The following CCDC92 variants were observed in gnomAD, a reference collection of about 807,000 sequenced individuals.
CCDC92 encodes coiled-coil domain-containing protein 92.
CCDC92 carries 12 observed loss-of-function variants against 24.9 expected under a neutral mutation model. The observed-to-expected ratio is 0.48, with a 90% CI of 0.31 to 0.78. The LOEUF (loss-of-function observed/expected upper bound fraction) is 0.78. Among genes scored for constraint, CCDC92 ranks in the 30% least tolerant of loss-of-function variants. The pLI is 0.05. For missense variants in CCDC92, 399 were observed against 439.4 expected (o/e 0.91, Z 0.82); for synonymous variants, 193 against 196.3 (o/e 0.98, Z 0.14).
chr12:123,948,183 G>A (rs745563015), intron 1 of CCDC92, among the ~76,000 whole-genome samples: 2 of 152,190 alleles, frequency 1.3e-5, no homozygotes, highest in African/African-American at 2.4e-5. Flanking sequence ...CACCTCACCC[G>A]CCATGATGGC....
intron 1 of CCDC92, among the ~76,000 whole-genome samples, chr12:123,969,145 T>C: frequency 6.6e-6 from 1 of 152,214 alleles, no homozygotes; most frequent in Admixed American, 6.5e-5. Context: ...TTATTCCCAT[T>C]GCTGATAAAA....
intron 4 of CCDC92, among the ~76,000 whole-genome samples, chr12:123,940,612 CTCTGTACG>C (rs1955654986): frequency 6.6e-6 from 1 of 152,228 alleles, no homozygotes; most frequent in Admixed American, 6.5e-5. Flanking sequence ...CCACCTCCTC[CTCTGTACG>C]TACCCCCTTT....
At chr12:123,953,593 A>G (rs566284087) in intron 1 of CCDC92, among the ~76,000 whole-genome samples, 2 of 152,292 alleles carry the variant, frequency 1.3e-5, no homozygotes, top group East Asian at 3.9e-4. Flanking sequence ...CCTGGCTAAC[A>G]TGGTGAAACT....
chr12:123,937,255 G>C lies in CCDC92; in HGVS notation c.799C>G (p.Pro267Ala), dbSNP rs1047655593. The part of the protein sequence containing the change: ...LIKERPLVIP[P>A]IASDRSGEQH... The stretch of plus-strand genomic sequence containing the variant: ...TCGCCGCTTCGGTCGGAGGCGATGG[G>C]GGGGATGACGAGGGGCCTCTCTTTG... Residue 267 changes from proline (P) to alanine (A), a missense_variant, in exon 5 of 5, where the codon CCC (proline) becomes GCC (alanine). Pro to Ala is a conservative substitution (Grantham distance 27). Coordinates refer to ENST00000238156, the MANE Select transcript of CCDC92 (RefSeq NM_025140.3). The surrounding 1 kb of genome is among the most constrained non-coding windows in gnomAD (Gnocchi z 8.4). The C allele has an allele frequency of 3.7e-6, 6 of 1,611,392 alleles. No homozygotes were observed. The African/African-American group carries it at 5.3e-5, about 14-fold the overall frequency.
intron 1 of CCDC92, among the ~76,000 whole-genome samples, chr12:123,963,885 A>T (rs1274753849): frequency 6.6e-6 from 1 of 152,224 alleles, no homozygotes. Context: ...TTTGTTTTTA[A>T]GGACTTCACT....
intron 1 of CCDC92, chr12:123,946,843 G>A (rs992670790): frequency 3.3e-5 from 5 of 152,734 alleles, no homozygotes; most frequent in African/African-American, 1.2e-4. Flanking sequence ...CCACTTTGGC[G>A]GCACTTGAGG....
Position 123,964,461 on chromosome 12 carries a change from C to T in CCDC92, c.-60+8068G>A, listed in dbSNP as rs560211893. 3.3e-5 allele frequency among the ~76,000 whole-genome samples: 5 copies of T among 152,198 alleles called. No individual in the cohort carries two copies. The East Asian group carries it at 5.8e-4, about 18-fold the overall frequency. On this transcript the variant is annotated intron_variant, in intron 1 of 4. Transcript: ENST00000238156. ...TTCATTCTTTCCATAAAGGAAGCAT[C>T]TTTAAGCAGCTTTGAGCCAGACACT...
At chr12:123,972,377 G>A (rs1956576874) in intron 1 of CCDC92, among the ~76,000 whole-genome samples, 152 bp downstream of exon 1, 1 of 152,036 alleles carries the variant, frequency 6.6e-6, no homozygotes, top group Non-Finnish European at 1.5e-5. Flanking sequence ...GGAGGACCCC[G>A]TCCCCCGTCT....
intron 1 of CCDC92, among the ~76,000 whole-genome samples, chr12:123,958,229 T>C (rs1014103487): frequency 3.9e-5 from 6 of 151,912 alleles, no homozygotes; most frequent in African/African-American, 1.5e-4. Flanking sequence ...AATTTTGTAT[T>C]TTTAGTAGAG....
chr12:123,939,930 C>G (rs923601574), intron 4 of CCDC92, among the ~76,000 whole-genome samples: 1 of 152,240 alleles, frequency 6.6e-6, no homozygotes, highest in Non-Finnish European at 1.5e-5. Flanking sequence ...CCATGCCTGT[C>G]GCAGGGCCTT....
intron 1 of CCDC92, among the ~76,000 whole-genome samples, chr12:123,958,367 T>C (rs988343988): frequency 6.6e-6 from 1 of 152,230 alleles, no homozygotes; most frequent in Non-Finnish European, 1.5e-5. Context: ...AAACCCATTT[T>C]TTAAAGAATG....
At chr12:123,967,300 C>A (rs753328266) in intron 1 of CCDC92, among the ~76,000 whole-genome samples, 1 of 152,140 alleles carries the variant, frequency 6.6e-6, no homozygotes, top group African/African-American at 2.4e-5. Context: ...CAGATACTGA[C>A]CTTCCTTGAA....
intron 1 of CCDC92, among the ~76,000 whole-genome samples, chr12:123,947,100 CCAGGCCAGCAGCTG>C (rs2137987386): frequency 6.6e-6 from 1 of 152,312 alleles, no homozygotes; most frequent in South Asian, 2.1e-4. Context: ...GGCTTAGCAC[CCAGGCCAGCAGCTG>C]CAGAGGGTGT....
chr12:123,949,483 G>A (rs924285980), intron 1 of CCDC92, among the ~76,000 whole-genome samples: 4 of 152,182 alleles, frequency 2.6e-5, no homozygotes, highest in Non-Finnish European at 5.9e-5. Context: ...TTCAGGGCCT[G>A]GTCACGGCTG....
chr12:123,943,081 A>C (rs907475532), intron 3 of CCDC92, among the ~76,000 whole-genome samples: 4 of 152,212 alleles, frequency 2.6e-5, no homozygotes, highest in Non-Finnish European at 4.4e-5. Context: ...CACACAGGCT[A>C]TATCTTGGTT....
intron 1 of CCDC92, among the ~76,000 whole-genome samples, chr12:123,953,160 TC>T (rs987247038): frequency 2.0e-5 from 3 of 151,714 alleles, no homozygotes; most frequent in Admixed American, 2.0e-4. Context: ...TTTTGTGGGT[TC>T]CCCTATTCCT....
chr12:123,943,810 TC>T, intron 2 of CCDC92: 1 of 472,458 alleles, frequency 2.1e-6, no homozygotes, highest in Admixed American at 3.5e-5. Context: ...AGGAAACAGA[TC>T]AAGAGAGGCA....
intron 1 of CCDC92, among the ~76,000 whole-genome samples, chr12:123,968,906 G>C (rs1026193264): frequency 6.6e-6 from 1 of 152,202 alleles, no homozygotes; most frequent in Non-Finnish European, 1.5e-5. Flanking sequence ...ATTCAGAATT[G>C]TTTTTTCCTC....
intron 1 of CCDC92, among the ~76,000 whole-genome samples, chr12:123,970,991 G>A (rs1028764096): frequency 6.9e-6 from 1 of 145,342 alleles, no homozygotes; most frequent in Non-Finnish European, 1.6e-5. Flanking sequence ...GCAGATGAAA[G>A]AGTTATAAAC....
Sources: allele counts gnomAD v4.1 joint callset (sites outside exome capture counted in the v4.1 genomes callset), GRCh38; gene constraint gnomAD v4.1.1; non-coding constraint Gnocchi (gnomAD v3.1); transcripts MANE v1.5; gene names NCBI Gene and HGNC (gene_info 2026-07-23, HGNC 2026-07-21).